Variants in PTPRT observed in about 807,000 individuals in gnomAD.
PTPRT encodes the protein protein tyrosine phosphatase receptor type T, also known as receptor-type tyrosine-protein phosphatase T.
PTPRT carries 56 observed loss-of-function variants against 176.8 expected under a neutral mutation model. That is an observed-to-expected ratio of 0.32 (90% confidence interval 0.26 to 0.40). PTPRT has a LOEUF of 0.40. PTPRT is among the 10% of genes least tolerant of loss of function. The pLI is 1.00. For synonymous variants in PTPRT, 783 were observed against 739.0 expected (o/e 1.06, Z -0.96); for missense variants, 1,540 against 1,908.2 (o/e 0.81, Z 3.60).
At chr20:42,334,439 A>G (rs1260955685) in intron 11 of PTPRT, among the ~76,000 whole-genome samples, 1 of 152,280 alleles carries the variant, frequency 6.6e-6, no homozygotes, top group East Asian at 1.9e-4. Context: ...TGTTAATAGC[A>G]TAAAAATACC....
chr20:42,464,896 C>T (rs1186896744), intron 8 of PTPRT, among the ~76,000 whole-genome samples: 4 of 152,168 alleles, frequency 2.6e-5, no homozygotes, highest in African/African-American at 9.7e-5. Flanking sequence ...GAAACCTGAT[C>T]ATTGGCTCAT....
At chr20:42,330,858 TC>T (rs1206445186) in intron 11 of PTPRT, among the ~76,000 whole-genome samples, 2 of 152,174 alleles carry the variant, frequency 1.3e-5, no homozygotes, top group African/African-American at 4.8e-5. Flanking sequence ...AGCATCTTCA[TC>T]ACCTAAAAAG....
chr20:42,501,643 A>T (rs888277561), intron 7 of PTPRT, among the ~76,000 whole-genome samples: 1 of 152,206 alleles, frequency 6.6e-6, no homozygotes, highest in African/African-American at 2.4e-5. Flanking sequence ...GGCAGTGTTG[A>T]ATAGTTGTGA....
intron 7 of PTPRT, among the ~76,000 whole-genome samples, chr20:42,513,551 T>C (rs545344253): frequency 2.0e-5 from 3 of 152,306 alleles, no homozygotes; most frequent in East Asian, 1.9e-4. Flanking sequence ...AATTTTAATA[T>C]TGGTTTCCTC....
rs1430543107 is a variant in PTPRT, at chr20:42,620,543, G to A, written c.1153+57323C>T. Among the ~76,000 whole-genome samples, 9 of 149,944 alleles carry A rather than the reference G, an allele frequency of 6.0e-5. 1 individual carries two copies. The Middle Eastern group carries it at 0.014, about 227-fold the overall frequency. On this transcript the variant is annotated intron_variant, in intron 7 of 30. Transcript: ENST00000373187. Reference sequence around the variant, plus strand: ...TGGCGGGCGCCCCTCCCCCAGCCTCGTTGTCGCCTTGCAGTTTGATCTCAG... The same window carrying A: ...TGGCGGGCGCCCCTCCCCCAGCCTCATTGTCGCCTTGCAGTTTGATCTCAG...
intron 1 of PTPRT, among the ~76,000 whole-genome samples, chr20:42,978,700 G>A (rs996368472): frequency 6.6e-6 from 1 of 152,230 alleles, no homozygotes; most frequent in African/African-American, 2.4e-5. Context: ...AAAGAAGCCC[G>A]CTAAATCCCA....
At chr20:42,334,478 C>T (rs577368564) in intron 11 of PTPRT, among the ~76,000 whole-genome samples, 2 of 152,256 alleles carry the variant, frequency 1.3e-5, no homozygotes, top group African/African-American at 4.8e-5. Context: ...TGCCAGTAAG[C>T]CAAGACATGC....
chr20:42,582,029 C>A (rs1352993816), intron 7 of PTPRT, among the ~76,000 whole-genome samples: 1 of 152,178 alleles, frequency 6.6e-6, no homozygotes, highest in African/African-American at 2.4e-5. Flanking sequence ...GGCTTGTTCA[C>A]CCCAGTGAAA....
intron 7 of PTPRT, among the ~76,000 whole-genome samples, chr20:42,539,950 A>G (rs1249283122): frequency 6.6e-6 from 1 of 152,200 alleles, no homozygotes; most frequent in Non-Finnish European, 1.5e-5. Context: ...AAGTTCCAGA[A>G]AAAGAAAGCA....
intron 11 of PTPRT, among the ~76,000 whole-genome samples, chr20:42,333,933 G>A (rs2058004498): frequency 2.0e-5 from 3 of 152,064 alleles, no homozygotes; most frequent in Admixed American, 2.0e-4. Context: ...CGCCCACCTT[G>A]GCTTCACAAA....
At chr20:42,470,694 A>G (rs1210340775) in intron 8 of PTPRT, among the ~76,000 whole-genome samples, 1 of 152,050 alleles carries the variant, frequency 6.6e-6, no homozygotes. Flanking sequence ...TGGGGCAATC[A>G]AGGAAAGCTT....
At chr20:42,163,521 C>T (rs1301008866) in intron 16 of PTPRT, among the ~76,000 whole-genome samples, 4 of 152,124 alleles carry the variant, frequency 2.6e-5, no homozygotes, top group African/African-American at 9.7e-5. Context: ...TCCATCAACC[C>T]CTTGGTTTCA....
At chr20:42,072,223 C>T (rs541430748), downstream of PTPRT, among the ~76,000 whole-genome samples, 2 of 152,312 alleles carry the variant, frequency 1.3e-5, no homozygotes, top group South Asian at 4.1e-4. Flanking sequence ...TGTAACAGCT[C>T]ATGTGCCCCA....
chr20:42,445,086 A>G (rs963495476), intron 9 of PTPRT, among the ~76,000 whole-genome samples: 2 of 152,158 alleles, frequency 1.3e-5, no homozygotes, highest in African/African-American at 4.8e-5. Context: ...CTACATTTCT[A>G]ACTAGCTCCC....
At chr20:42,589,887 GTCA>G (rs1314794578) in intron 7 of PTPRT, among the ~76,000 whole-genome samples, 1 of 152,002 alleles carries the variant, frequency 6.6e-6, no homozygotes, top group Admixed American at 6.5e-5. Context: ...TCCAAAGATG[GTCA>G]TGACCACGCC....
chr20:42,842,303 C>T (rs1445543907), intron 2 of PTPRT, among the ~76,000 whole-genome samples: 1 of 152,246 alleles, frequency 6.6e-6, no homozygotes, highest in African/African-American at 2.4e-5. Flanking sequence ...TACAAATCAG[C>T]AGCCAGTGCT....
At chr20:42,812,666 C>T (rs767959720) in intron 2 of PTPRT, among the ~76,000 whole-genome samples, 3 of 152,056 alleles carry the variant, frequency 2.0e-5, no homozygotes, top group Non-Finnish European at 4.4e-5. Flanking sequence ...CATCATTCTA[C>T]TCTTTTGAAT....
At chr20:42,583,333 A>G (rs533642483) in intron 7 of PTPRT, among the ~76,000 whole-genome samples, 1 of 152,312 alleles carries the variant, frequency 6.6e-6, no homozygotes, top group Non-Finnish European at 1.5e-5. Flanking sequence ...CCTGCCTCCT[A>G]AGCCTCACTG....
intron 13 of PTPRT, among the ~76,000 whole-genome samples, chr20:42,271,755 A>C (rs1160690489): frequency 6.6e-6 from 1 of 152,226 alleles, no homozygotes; most frequent in Non-Finnish European, 1.5e-5. Context: ...AAAGAAAAAC[A>C]TACAAAAGGT....
Sources: gnomAD v4.1 joint callset for allele counts (sites outside exome capture counted in the v4.1 genomes callset) on GRCh38, gnomAD v4.1.1 for gene constraint, MANE v1.5 for transcripts, NCBI Gene and HGNC (gene_info 2026-07-23, HGNC 2026-07-21) for gene names.